The following SEM1 variants were observed in gnomAD, a reference collection of about 807,000 sequenced individuals.
SEM1 encodes SEM1 26S proteasome subunit.
Under a neutral mutation model 12.7 loss-of-function variants are expected in SEM1, and 3 were observed. The ratio of observed to expected loss-of-function variants is 0.24; its 90% CI spans 0.11 to 0.61. The LOEUF (loss-of-function observed/expected upper bound fraction) is 0.61, where lower values mean the gene tolerates loss of function less well. Ranked by LOEUF, SEM1 falls within the 20% of genes least tolerant of loss-of-function variation. The probability of loss-of-function intolerance (pLI) is 0.88; values close to 1 mark genes in which losing one functional copy is unlikely to be tolerated. For synonymous variants in SEM1, 30 were observed against 27.8 expected, an observed-to-expected ratio of 1.08 and a Z score of -0.25; for missense variants, 59 against 81.3, an observed-to-expected ratio of 0.73 and a Z score of 1.06.
At chr7:96,688,325 A>C (rs921354553), downstream of SEM1, 2 of 152,180 alleles carry the variant, frequency 1.3e-5, no homozygotes, top group Non-Finnish European at 2.9e-5. Flanking sequence ...TGATTAAACT[A>C]CTTTGGACTT....
chr7:96,547,775 G>A (rs1584753619), intron 2 of SEM1, among the ~76,000 whole-genome samples: 1 of 152,048 alleles, frequency 6.6e-6, no homozygotes, highest in Non-Finnish European at 1.5e-5. Context: ...TAGATGAGCC[G>A]CACTGGGCCC....
At chr7:96,491,186 A>G (rs1802992506) in intron 1 of SEM1, among the ~76,000 whole-genome samples, 1 of 152,190 alleles carries the variant, frequency 6.6e-6, no homozygotes, top group Non-Finnish European at 1.5e-5. Flanking sequence ...TGGCTTTGAC[A>G]TCCTTTTTGA....
chr7:96,685,649 A>G (rs1460305973), downstream of SEM1, among the ~76,000 whole-genome samples: 1 of 152,040 alleles, frequency 6.6e-6, no homozygotes, highest in African/African-American at 2.4e-5. Context: ...AATGTACATG[A>G]TAACATTACC....
chr7:96,500,848 G>T (rs1263052512), upstream of SEM1, among the ~76,000 whole-genome samples: 2 of 152,220 alleles, frequency 1.3e-5, no homozygotes, highest in Middle Eastern at 3.4e-3. Context: ...TCCCTGCCAG[G>T]CCTGGACTAC....
intron 2 of SEM1, among the ~76,000 whole-genome samples, chr7:96,514,026 A>G (rs1250714190): frequency 6.6e-6 from 1 of 152,094 alleles, no homozygotes; most frequent in South Asian, 2.1e-4. Flanking sequence ...TATTTTATAG[A>G]TTTATCAGAT....
chr7:96,695,940 A>C (rs1790080402), intron 1 of SEM1: 1 of 151,970 alleles, frequency 6.6e-6, no homozygotes, highest in South Asian at 2.1e-4. Context: ...AATACTGTAG[A>C]GCCTTATCTT....
intron 3 of SEM1, among the ~76,000 whole-genome samples, chr7:96,501,665 A>G (rs1395475437): frequency 6.6e-6 from 1 of 152,170 alleles, no homozygotes; most frequent in Non-Finnish European, 1.5e-5. Context: ...CTCAGTAAAC[A>G]TGTTAGTATT....
At chr7:96,603,695 T>C (rs1412759851) in intron 2 of SEM1, among the ~76,000 whole-genome samples, 6 of 152,202 alleles carry the variant, frequency 3.9e-5, no homozygotes, top group African/African-American at 1.4e-4. Flanking sequence ...ATGGTTCCTA[T>C]AGCAACAGTC....
chr7:96,562,389 G>A, intron 2 of SEM1, among the ~76,000 whole-genome samples: 1 of 152,186 alleles, frequency 6.6e-6, no homozygotes, highest in Non-Finnish European at 1.5e-5. Flanking sequence ...GAAGGATACA[G>A]TGCTATGGAT....
chr7:96,630,849 A>G (rs541679047), intron 2 of SEM1, among the ~76,000 whole-genome samples: 1 of 151,108 alleles, frequency 6.6e-6, no homozygotes, highest in African/African-American at 2.5e-5. Context: ...GTTAGGAGAT[A>G]ATTAATCCTG....
intron 2 of SEM1, among the ~76,000 whole-genome samples, chr7:96,567,259 C>T (rs1805869507): frequency 1.3e-5 from 2 of 151,396 alleles, no homozygotes; most frequent in South Asian, 2.1e-4. Context: ...TTTAAAGTCC[C>T]TTTATATATG....
intron 2 of SEM1, among the ~76,000 whole-genome samples, chr7:96,629,693 T>C (rs1328863763): frequency 6.6e-6 from 1 of 152,158 alleles, no homozygotes; most frequent in Non-Finnish European, 1.5e-5. Flanking sequence ...ATGACACTTG[T>C]AGATATTTGT....
At chr7:96,513,201 G>A (rs1215576376) in intron 2 of SEM1, among the ~76,000 whole-genome samples, 4 of 152,020 alleles carry the variant, frequency 2.6e-5, no homozygotes, top group Admixed American at 6.6e-5. Flanking sequence ...ACAAGCAAAG[G>A]ATCCCTAAGG....
intron 2 of SEM1, among the ~76,000 whole-genome samples, chr7:96,595,097 T>A (rs1806953252): frequency 6.6e-6 from 1 of 152,138 alleles, no homozygotes; most frequent in Non-Finnish European, 1.5e-5. Flanking sequence ...ATTCTAAAAA[T>A]TTTTAGAATT....
Position 96,502,733 on chromosome 7 carries a change from T to C in SEM1, c.*60+3890A>G, listed in dbSNP as rs571505263. Among the ~76,000 whole-genome samples, 3 of 152,344 alleles carry C rather than the reference T, an allele frequency of 2.0e-5. No individual in the cohort carries two copies. The South Asian group carries it at 6.2e-4, about 32-fold the overall frequency. ...AAAATTTCTCTAGCCAACGATTTCATGCTCAAATTCACTGATACGCTGCAG... is the reference window on the plus strand; with the variant it reads ...AAAATTTCTCTAGCCAACGATTTCACGCTCAAATTCACTGATACGCTGCAG... On this transcript the variant is annotated intron_variant and NMD_transcript_variant, in intron 3 of 3. Coordinates refer to the SEM1 transcript ENST00000466986.
At chr7:96,611,710 G>T (rs1167602956) in intron 2 of SEM1, among the ~76,000 whole-genome samples, 1 of 152,182 alleles carries the variant, frequency 6.6e-6, no homozygotes, top group Non-Finnish European at 1.5e-5. Flanking sequence ...TTTTGGGTCA[G>T]CCTAACATAC....
intron 2 of SEM1, among the ~76,000 whole-genome samples, chr7:96,639,451 T>G (rs1808525282): frequency 6.6e-6 from 1 of 151,920 alleles, no homozygotes; most frequent in Admixed American, 6.6e-5. Flanking sequence ...CACCTGATAT[T>G]TGACAAAGAA....
At chr7:96,691,709 C>T (rs1213388470) in intron 2 of SEM1, among the ~76,000 whole-genome samples, 2 of 152,150 alleles carry the variant, frequency 1.3e-5, no homozygotes, top group East Asian at 1.9e-4. Flanking sequence ...AAGGATTGTG[C>T]GAGGCTGTTT....
At chr7:96,483,986 G>A (rs2117191505) in exon 4 of SEM1, 1 of 1,503,018 alleles carries the variant, frequency 6.7e-7, no homozygotes, top group African/African-American at 1.4e-5. Context: ...AAGAGTCAGG[G>A]ACCTATGAAG....
Sources: allele counts gnomAD v4.1 joint callset (sites outside exome capture counted in the v4.1 genomes callset), GRCh38; gene constraint gnomAD v4.1.1; transcripts MANE v1.5; gene names NCBI Gene and HGNC (gene_info 2026-07-23, HGNC 2026-07-21).